The following SUZ12 variants were observed in gnomAD, a reference collection of about 807,000 sequenced individuals.
The protein encoded by SUZ12 is SUZ12 polycomb repressive complex 2 subunit.
SUZ12 carries 17 observed loss-of-function variants against 87.3 expected under a neutral mutation model. The observed-to-expected ratio is 0.19, with a 90% CI of 0.13 to 0.29. The LOEUF is 0.29. SUZ12 is among the 10% of genes least tolerant of loss of function. The pLI, the probability that SUZ12 is intolerant of heterozygous loss-of-function variation, is 1.00. For missense variants in SUZ12, 526 were observed against 912.2 expected, an observed-to-expected ratio of 0.58 and a Z score of 5.45; for synonymous variants, 253 against 312.4, an observed-to-expected ratio of 0.81 and a Z score of 2.01.
intron 4 of SUZ12, among the ~76,000 whole-genome samples, chr17:31,948,219 CTTG>C (rs1305765133): frequency 3.3e-5 from 5 of 152,134 alleles, no homozygotes; most frequent in Non-Finnish European, 7.4e-5. Context: ...ACAGAATCTA[CTTG>C]TTGTACATTA....
chr17:31,959,617 T>C (rs1014834761), intron 4 of SUZ12, among the ~76,000 whole-genome samples: 5 of 152,208 alleles, frequency 3.3e-5, no homozygotes, highest in Non-Finnish European at 7.3e-5. Context: ...TGTTTTGAGG[T>C]AATACTGCCA....
chr17:31,993,218 G>A, intron 10 of SUZ12, 24 bp from the exon 11 acceptor site: 1 of 1,454,370 alleles, frequency 6.9e-7, no homozygotes, highest in Non-Finnish European at 9.3e-7. Context: ...TGTTTTTATT[G>A]AATATAAAAG....
chr17:31,947,194 A>G (rs1198214823), intron 3 of SUZ12, among the ~76,000 whole-genome samples: 2 of 152,186 alleles, frequency 1.3e-5, no homozygotes, highest in Non-Finnish European at 2.9e-5. Context: ...AGTATAAGGC[A>G]CTATGCCAGC....
In SUZ12 at chr17:31,993,344, C is replaced by T; in HGVS notation, c.1293+11C>T. 6.8e-7 allele frequency: 1 copy of T among 1,477,062 alleles called. No individual in the cohort carries two copies. The highest frequency in any genetic ancestry group is 9.3e-7 in the Non-Finnish European group (1 of 1,080,190). 91.5% of individuals were successfully genotyped at this position (1,477,062 alleles called of 1,614,324 possible). ...AGAATATTTTATCAGGTAAACATAG[C>T]TGACCCTTCTTAAAGTAATTATGAA... On this transcript the variant is annotated intron_variant, in intron 11 of 15. Coordinates refer to ENST00000322652, the MANE Select transcript of SUZ12 (RefSeq NM_015355.4).
Position 31,996,793 on chromosome 17 carries a change from C to G in SUZ12, c.1795-5C>G. The G allele has an allele frequency of 6.5e-7, 1 of 1,534,330 alleles. No homozygotes were observed. Among genetic ancestry groups the G allele is most frequent in the Non-Finnish European group, 8.7e-7 (1 of 1,152,168 alleles). ...TTAATAGGTGTTTTTCTTTCTTTTTCCCAGCAAATTGAAGAGTTTTCTGAT... is the reference window on the plus strand; with the variant it reads ...TTAATAGGTGTTTTTCTTTCTTTTTGCCAGCAAATTGAAGAGTTTTCTGAT... On this transcript the variant is annotated splice_region_variant and splice_polypyrimidine_tract_variant and intron_variant, in intron 14 of 15. Coordinates refer to ENST00000322652, the MANE Select transcript of SUZ12 (RefSeq NM_015355.4).
At chr17:31,993,374 A>G (rs767258765) in intron 11 of SUZ12, 41 bp downstream of exon 11, 1 of 1,315,886 alleles carries the variant, frequency 7.6e-7, no homozygotes, top group African/African-American at 1.5e-5. Flanking sequence ...TATGAAATGT[A>G]TTTGTTTTTT....
chr17:31,972,534 C>T lies in SUZ12; in HGVS notation c.506-612C>T, dbSNP rs1598170997. ...CTCAAGAGATCCTTCCACCTAGCCTCTGAGGTAGCTAGGACTACAGGCACA... is the reference window on the plus strand; with the variant it reads ...CTCAAGAGATCCTTCCACCTAGCCTTTGAGGTAGCTAGGACTACAGGCACA... On this transcript the variant is annotated intron_variant, in intron 5 of 15. Coordinates refer to ENST00000322652, the MANE Select transcript of SUZ12 (RefSeq NM_015355.4). 2.0e-5 allele frequency among the ~76,000 whole-genome samples: 3 copies of T among 151,958 alleles called. No homozygotes were observed. In the South Asian group the frequency reaches 6.2e-4, roughly 32 times the overall value.
intron 10 of SUZ12, among the ~76,000 whole-genome samples, chr17:31,990,544 T>C (rs1418818213): frequency 1.3e-5 from 2 of 152,054 alleles, no homozygotes; most frequent in African/African-American, 2.4e-5. Context: ...TTTGTATTTT[T>C]AGTAGAGACA....
At position 31,999,380 on chromosome 17, in the gene SUZ12, T is replaced by G; in HGVS notation, c.*377T>G. ...ACTTTGTAATTGTGAGACATTTTCT[T>G]GGGGAGGGAAAATTGGAATGGTTCC... On this transcript the variant is annotated 3_prime_UTR_variant, in exon 16 of 16. Transcript: ENST00000322652. 1 of 233,576 alleles carries G rather than the reference T, an allele frequency of 4.3e-6. No homozygotes were observed. Among genetic ancestry groups the G allele is most frequent in the Non-Finnish European group, 8.4e-6 (1 of 118,492 alleles). 14.5% of individuals were successfully genotyped at this position (233,576 alleles called of 1,614,324 possible). A position where few individuals can be genotyped will look rare whatever the true frequency, so the allele number is the denominator to read the frequency against.
intron 5 of SUZ12, among the ~76,000 whole-genome samples, chr17:31,972,754 C>T (rs1369867346): frequency 3.3e-5 from 5 of 149,652 alleles, no homozygotes; most frequent in Admixed American, 1.3e-4. Flanking sequence ...CATGGTGGCT[C>T]ACGCCTGTAA....
intron 4 of SUZ12, among the ~76,000 whole-genome samples, chr17:31,964,880 G>C (rs902985655): frequency 6.6e-6 from 1 of 152,012 alleles, no homozygotes; most frequent in Non-Finnish European, 1.5e-5. Context: ...TACTTGGGAG[G>C]CTGAGGCAGG....
rs1181314058 is a variant in SUZ12 at position 31,957,895 on chromosome 17, C to CTTTTTTTTTTTTTTTTTTTTTT, written c.456-8248_456-8227dup. 7.7e-5 allele frequency among the ~76,000 whole-genome samples: 7 copies of CTTTTTTTTTTTTTTTTTTTTTT among 91,330 alleles called. 2 individuals are homozygous for CTTTTTTTTTTTTTTTTTTTTTT. The highest frequency in any genetic ancestry group is 1.3e-4 in the Non-Finnish European group (6 of 44,584). 59.9% of individuals were successfully genotyped at this position (91,330 alleles called of 152,430 possible). A position where few individuals can be genotyped will look rare whatever the true frequency, so the allele number is the denominator to read the frequency against. ...ACCTGGCCCTGGCTCACCTTTTGTC[C>CTTTTTTTTTTTTTTTTTTTTTT]TTTTTTTTTTTTTTTTTTTTTTTTT... On this transcript the variant is annotated intron_variant, in intron 4 of 15. Transcript: ENST00000322652.
At chr17:31,987,938 TC>T (rs1308034311) in intron 9 of SUZ12, among the ~76,000 whole-genome samples, 3 of 143,212 alleles carry the variant, frequency 2.1e-5, no homozygotes, top group Admixed American at 2.1e-4. Context: ...AAACTCCATC[TC>T]AAAAAAAAAA....
intron 1 of SUZ12, among the ~76,000 whole-genome samples, chr17:31,939,000 C>T (rs1906109023): frequency 6.6e-6 from 1 of 152,098 alleles, no homozygotes; most frequent in Non-Finnish European, 1.5e-5. Flanking sequence ...AATGACCTAA[C>T]GTGACACTAA....
intron 10 of SUZ12, 69 bp downstream of exon 10, chr17:31,988,566 A>G: frequency 7.2e-7 from 1 of 1,395,844 alleles, no homozygotes. Flanking sequence ...CTTTAGATTA[A>G]TTCATTTGTG....
intron 9 of SUZ12, among the ~76,000 whole-genome samples, chr17:31,984,856 G>A (rs541445865): frequency 6.6e-6 from 1 of 152,242 alleles, no homozygotes; most frequent in South Asian, 2.1e-4. Flanking sequence ...ATAATATTTT[G>A]ATGTAACAGT....
chr17:31,950,676 T>C (rs1427840764), intron 4 of SUZ12, among the ~76,000 whole-genome samples: 1 of 152,130 alleles, frequency 6.6e-6, no homozygotes, highest in Admixed American at 6.6e-5. Context: ...AGTGTGACTC[T>C]GTCTCAAAAA....
At chr17:31,951,645 T>C (rs992035070) in intron 4 of SUZ12, among the ~76,000 whole-genome samples, 4 of 151,644 alleles carry the variant, frequency 2.6e-5, no homozygotes, top group African/African-American at 9.7e-5. Context: ...CCTGGCTAAT[T>C]TTTTGTATTT....
intron 4 of SUZ12, among the ~76,000 whole-genome samples, chr17:31,952,308 G>T (rs576939094): frequency 2.6e-5 from 4 of 151,968 alleles, no homozygotes; most frequent in Non-Finnish European, 4.4e-5. Context: ...GATCCTTTCA[G>T]ATTGGCTTCC....
Sources: allele counts gnomAD v4.1 joint callset (sites outside exome capture counted in the v4.1 genomes callset), GRCh38; gene constraint gnomAD v4.1.1; transcripts MANE v1.5; gene names NCBI Gene and HGNC (gene_info 2026-07-23, HGNC 2026-07-21).